The following LRFN5 variants were observed in gnomAD, a reference collection of about 807,000 sequenced individuals.
The protein encoded by LRFN5 is leucine rich repeat and fibronectin type III domain containing 5, also known as leucine-rich repeat and fibronectin type-III domain-containing protein 5.
LRFN5 carries 24 observed loss-of-function variants against 45.6 expected under a neutral mutation model. The ratio of observed to expected loss-of-function variants is 0.53; its 90% CI spans 0.38 to 0.74. The LOEUF (loss-of-function observed/expected upper bound fraction) is 0.74, where lower values mean the gene tolerates loss of function less well. LRFN5 is among the 30% of genes least tolerant of loss of function. LRFN5 has a pLI of 0.00. For synonymous variants in LRFN5, 340 were observed against 313.8 expected (o/e 1.08, Z -0.88); for missense variants, 776 against 861.5 (o/e 0.90, Z 1.24).
chr14:41,689,894 CAAAAAA>C (rs10572529), intron 1 of LRFN5, among the ~76,000 whole-genome samples: 6 of 81,952 alleles, frequency 7.3e-5, no homozygotes, highest in Admixed American at 2.8e-4. Flanking sequence ...GACTCCGTCT[CAAAAAA>C]AAAAAAAAAA....
At position 41,829,628 on chromosome 14, in the gene LRFN5, C is replaced by A. The variant is rs575612738; in HGVS notation, c.-20-56978C>A. On this transcript the variant is annotated intron_variant, in intron 2 of 5. Coordinates refer to ENST00000298119, the MANE Select transcript of LRFN5 (RefSeq NM_152447.5). ...ATTTTCTTAATGACTTCAAATATAT[C>A]TTTGTTTATAAAATTCCCTTTCATT... is the stretch of plus-strand genomic sequence containing the variant. Among the ~76,000 whole-genome samples the A allele has an allele frequency of 4.0e-5, 6 of 151,498 alleles. No homozygotes were observed. In the South Asian group the frequency reaches 1.3e-3, roughly 32 times the overall value.
chr14:41,674,511 C>T (rs1338419856), intron 1 of LRFN5, among the ~76,000 whole-genome samples: 3 of 142,378 alleles, frequency 2.1e-5, no homozygotes, highest in Non-Finnish European at 4.6e-5. Context: ...GGGGCTGACC[C>T]CTCCACCTCT....
At chr14:41,623,482 C>G (rs907182041) in intron 1 of LRFN5, among the ~76,000 whole-genome samples, 4 of 152,090 alleles carry the variant, frequency 2.6e-5, no homozygotes, top group African/African-American at 9.6e-5. Flanking sequence ...AAAAAATTCT[C>G]TGTATTTGAG....
intron 1 of LRFN5, among the ~76,000 whole-genome samples, chr14:41,682,125 C>G (rs1244216136): frequency 2.0e-5 from 3 of 151,842 alleles, no homozygotes; most frequent in African/African-American, 7.3e-5. Context: ...GCCTAACCTA[C>G]TCTTATCATA....
chr14:41,872,841 C>T (rs1300397975), intron 2 of LRFN5, among the ~76,000 whole-genome samples: 1 of 152,218 alleles, frequency 6.6e-6, no homozygotes, highest in Non-Finnish European at 1.5e-5. Context: ...ATTAGAAACG[C>T]AACTAGTACT....
chr14:41,789,878 A>G (rs1886857462), intron 2 of LRFN5, among the ~76,000 whole-genome samples: 1 of 148,884 alleles, frequency 6.7e-6, no homozygotes, highest in South Asian at 2.2e-4. Context: ...ATATTTTCAT[A>G]AACAATTTGC....
intron 2 of LRFN5, among the ~76,000 whole-genome samples, chr14:41,771,380 T>C (rs940317149): frequency 9.2e-5 from 14 of 152,082 alleles, no homozygotes; most frequent in African/African-American, 2.6e-4. Flanking sequence ...TTCTTTATAT[T>C]CTTTCTCTGT....
At chr14:41,636,671 G>A (rs1879322755) in intron 1 of LRFN5, among the ~76,000 whole-genome samples, 1 of 151,992 alleles carries the variant, frequency 6.6e-6, no homozygotes, top group African/African-American at 2.4e-5. Flanking sequence ...GAGGTGTGGA[G>A]CAGGTTTACT....
intron 1 of LRFN5, among the ~76,000 whole-genome samples, chr14:41,684,619 G>A (rs1292106808): frequency 1.3e-5 from 2 of 151,984 alleles, no homozygotes; most frequent in African/African-American, 4.8e-5. Flanking sequence ...TTTTGGGTGA[G>A]GACACAGCCA....
At chr14:41,791,245 A>G (rs529820765) in intron 2 of LRFN5, among the ~76,000 whole-genome samples, 2 of 152,038 alleles carry the variant, frequency 1.3e-5, no homozygotes, top group South Asian at 2.1e-4. Context: ...GACACTCATT[A>G]TACTATGGAT....
rs543066885 is a variant in LRFN5 at position 41,859,417 on chromosome 14, A to G, written c.-20-27189A>G. 3.9e-5 allele frequency among the ~76,000 whole-genome samples: 6 copies of G among 152,350 alleles called. No individual in the cohort carries two copies. The South Asian group carries it at 1.2e-3, about 32-fold the overall frequency. On this transcript the variant is annotated intron_variant, in intron 2 of 5. Transcript: ENST00000298119. ...AGCCATTTGCACCTGTTTGAGAGGA[A>G]GTAACCTCACGAGGAAAGACCATTA... is the stretch of plus-strand genomic sequence containing the variant.
At chr14:41,774,129 G>C (rs1886192505) in intron 2 of LRFN5, among the ~76,000 whole-genome samples, 1 of 152,172 alleles carries the variant, frequency 6.6e-6, no homozygotes, top group African/African-American at 2.4e-5. Context: ...GTAACTTGGA[G>C]AGTACTCTTG....
chr14:41,788,554 T>TAA (rs35207832), intron 2 of LRFN5, among the ~76,000 whole-genome samples: 34 of 150,020 alleles, frequency 2.3e-4, no homozygotes, highest in African/African-American at 7.3e-4. Flanking sequence ...AAATTATGTT[T>TAA]AAAAAAAAAA....
chr14:41,624,083 T>G (rs760842852), intron 1 of LRFN5, among the ~76,000 whole-genome samples: 15 of 152,146 alleles, frequency 9.9e-5, no homozygotes, highest in Non-Finnish European at 2.2e-4. Flanking sequence ...ACAACTAAGA[T>G]GTTTCAGAGT....
At chr14:41,805,555 C>A (rs533542336) in intron 2 of LRFN5, among the ~76,000 whole-genome samples, 1 of 145,444 alleles carries the variant, frequency 6.9e-6, no homozygotes, top group Non-Finnish European at 1.5e-5. Context: ...ATCCCTCCAC[C>A]CCCCCCACCC....
intron 1 of LRFN5, among the ~76,000 whole-genome samples, chr14:41,622,654 A>C (rs1389808591): frequency 6.6e-6 from 1 of 152,128 alleles, no homozygotes; most frequent in South Asian, 2.1e-4. Flanking sequence ...AATGAAATAA[A>C]ATATAGTAAA....
At chr14:41,807,520 A>G (rs1025775092) in intron 2 of LRFN5, among the ~76,000 whole-genome samples, 1 of 152,138 alleles carries the variant, frequency 6.6e-6, no homozygotes, top group Non-Finnish European at 1.5e-5. Context: ...ATACACATCT[A>G]CTGAATCTAT....
intron 1 of LRFN5, among the ~76,000 whole-genome samples, chr14:41,680,278 A>G (rs1881825767): frequency 6.6e-6 from 1 of 152,146 alleles, no homozygotes; most frequent in African/African-American, 2.4e-5. Context: ...CATAGGCGGT[A>G]GCCACGCATT....
intron 2 of LRFN5, among the ~76,000 whole-genome samples, chr14:41,817,741 T>C (rs1171592785): frequency 6.6e-6 from 1 of 152,180 alleles, no homozygotes; most frequent in Non-Finnish European, 1.5e-5. Context: ...TAGTGTTTAC[T>C]ATGAGAACCT....
Sources: allele counts gnomAD v4.1 joint callset (sites outside exome capture counted in the v4.1 genomes callset), GRCh38; gene constraint gnomAD v4.1.1; transcripts MANE v1.5; gene names NCBI Gene and HGNC (gene_info 2026-07-23, HGNC 2026-07-21).